RABGAP1L: variants seen among roughly 807,000 people sequenced by gnomAD.
RABGAP1L encodes the protein RAB GTPase activating protein 1 like.
In RABGAP1L, 63 loss-of-function variants were observed where a neutral mutation model predicts 137.7. The observed-to-expected ratio is 0.46, with a 90% CI of 0.37 to 0.56. The LOEUF is 0.56. RABGAP1L is among the 20% of genes least tolerant of loss of function. The pLI is 0.00. For missense variants in RABGAP1L, 1,095 were observed against 1,244.0 expected (o/e 0.88, Z 1.80); for synonymous variants, 431 against 433.7 (o/e 0.99, Z 0.08).
In RABGAP1L at chr1:174,967,048, C is replaced by T. The variant is rs537542874; in HGVS notation, c.2434-2229C>T. Among the ~76,000 whole-genome samples the T allele has an allele frequency of 2.2e-4, 33 of 152,162 alleles. No homozygotes were observed. In the East Asian group the frequency reaches 5.4e-3, roughly 25 times the overall value. On this transcript the variant is annotated intron_variant, in intron 20 of 25. Transcript: ENST00000681986. ...AACAATAAAGAAAATTCACTACCTACAGTTAATATTGGTTGTTTATATTGT... is the reference window on the plus strand; with the variant it reads ...AACAATAAAGAAAATTCACTACCTATAGTTAATATTGGTTGTTTATATTGT...
intron 11 of RABGAP1L, among the ~76,000 whole-genome samples, chr1:174,326,596 A>G (rs1002165126): frequency 1.3e-5 from 2 of 152,156 alleles, no homozygotes; most frequent in Non-Finnish European, 2.9e-5. Flanking sequence ...TGTATCATTG[A>G]TGTTCGAGAG....
chr1:174,195,577 CT>C (rs1667517372), intron 1 of RABGAP1L, among the ~76,000 whole-genome samples: 2 of 48,920 alleles, frequency 4.1e-5, no homozygotes, highest in South Asian at 1.3e-3. Flanking sequence ...TTAATCAATT[CT>C]TTCTTTCTTT....
rs549215086 is a variant in RABGAP1L, at chr1:174,928,051, A to G, written c.2341-29406A>G. ...TAGCCTTCACAAATTTGAACTCCTT[A>G]CTGTGCCCTATAAGGCCCTTCAAGA... On this transcript the variant is annotated intron_variant, in intron 19 of 25. Coordinates refer to ENST00000681986, the MANE Select transcript of RABGAP1L (RefSeq NM_001366446.1). Among the ~76,000 whole-genome samples the G allele has an allele frequency of 9.2e-5, 14 of 152,318 alleles. No homozygotes were observed. The South Asian group carries it at 1.0e-3, about 11-fold the overall frequency.
At position 174,810,565 on chromosome 1, in the gene RABGAP1L, T is replaced by C. The variant is rs371353965; in HGVS notation, c.2212-1267T>C. 1.5e-4 allele frequency among the ~76,000 whole-genome samples: 23 copies of C among 152,320 alleles called. No homozygotes were observed. The East Asian group carries it at 3.1e-3, about 20-fold the overall frequency. Reference sequence around the variant, plus strand: ...TTACATTTTAATTTAAATAAAGTAATATTTTGACACAGCATGTAGTTATGT... The same window carrying C: ...TTACATTTTAATTTAAATAAAGTAACATTTTGACACAGCATGTAGTTATGT... On this transcript the variant is annotated intron_variant, in intron 18 of 25. Transcript: ENST00000681986.
At position 174,555,535 on chromosome 1, in the gene RABGAP1L, C is replaced by T. The variant is rs190530602; in HGVS notation, c.1711-81840C>T. 5.8e-4 allele frequency among the ~76,000 whole-genome samples: 85 copies of T among 147,644 alleles called. 1 individual carries two copies. The highest frequency in any genetic ancestry group is 3.4e-3 in the Middle Eastern group (1 of 294). ...ATGTAACAAGAAAAATGTATGTCCCCCCCCCAAAAAAAATGTATGTTCCCT... is the reference window on the plus strand; with the variant it reads ...ATGTAACAAGAAAAATGTATGTCCCTCCCCCAAAAAAAATGTATGTTCCCT... On this transcript the variant is annotated intron_variant, in intron 13 of 25. Coordinates refer to ENST00000681986, the MANE Select transcript of RABGAP1L (RefSeq NM_001366446.1).
rs894354353 is a variant in RABGAP1L, at chr1:174,918,258, A to G, written c.2341-39199A>G. Among the ~76,000 whole-genome samples, 6 of 152,140 alleles carry G rather than the reference A, an allele frequency of 3.9e-5. 1 individual carries two copies. Among genetic ancestry groups the G allele is most frequent in the Admixed American group, 3.3e-4 (5 of 15,270 alleles). On this transcript the variant is annotated intron_variant, in intron 19 of 25. Transcript: ENST00000681986. ...CCTCAGGTTTAAATTGAAGGAGTTT[A>G]TTATATATTTTAGTTTCTACAGTCT...
At chr1:174,250,762 A>C (rs1304909069) in intron 6 of RABGAP1L, 130 bp downstream of exon 6, 5 of 785,092 alleles carry the variant, frequency 6.4e-6, no homozygotes, top group Non-Finnish European at 9.5e-6. Context: ...TGGTGAATTA[A>C]TATTTTTTAT....
At chr1:174,918,824 C>CG (rs11418291) in intron 19 of RABGAP1L, among the ~76,000 whole-genome samples, 4 of 29,718 alleles carry the variant, frequency 1.3e-4, no homozygotes, top group African/African-American at 1.2e-3. Flanking sequence ...GTGAGACCCA[C>CG]CCCCCCGATC....
At chr1:174,791,486 A>G (rs1396469841) in intron 18 of RABGAP1L, among the ~76,000 whole-genome samples, 1 of 152,232 alleles carries the variant, frequency 6.6e-6, no homozygotes, top group Admixed American at 6.5e-5. Flanking sequence ...AGCAATGACA[A>G]TACACACACA....
chr1:174,896,680 C>T (rs573296615), intron 19 of RABGAP1L, among the ~76,000 whole-genome samples: 2 of 152,296 alleles, frequency 1.3e-5, no homozygotes, highest in East Asian at 3.9e-4. Flanking sequence ...TTCCCAGCAC[C>T]ACTTATTAAA....
At chr1:174,880,506 T>G (rs1463001015) in intron 19 of RABGAP1L, among the ~76,000 whole-genome samples, 1 of 152,010 alleles carries the variant, frequency 6.6e-6, no homozygotes, top group African/African-American at 2.4e-5. Flanking sequence ...GAGAGGACCA[T>G]CATAAATAAA....
intron 21 of RABGAP1L, among the ~76,000 whole-genome samples, chr1:174,972,206 C>A (rs1670198122): frequency 2.6e-5 from 4 of 152,332 alleles, no homozygotes; most frequent in Middle Eastern, 6.8e-3. Context: ...TTAGTACTGT[C>A]CTGCTGAGGA....
chr1:174,534,130 C>CTG (rs1664676758), intron 13 of RABGAP1L, among the ~76,000 whole-genome samples: 1 of 115,310 alleles, frequency 8.7e-6, no homozygotes, highest in Admixed American at 9.4e-5. Flanking sequence ...CAGAGGTCAA[C>CTG]TCTGTGTGTG....
chr1:174,522,480 A>G (rs6665535), intron 13 of RABGAP1L, among the ~76,000 whole-genome samples: 53,291 of 151,372 alleles, frequency 0.35, 11,971 homozygotes, highest in African/African-American at 0.64. Flanking sequence ...TTAGCTGGGA[A>G]ATTCACTTGA....
intron 1 of RABGAP1L, among the ~76,000 whole-genome samples, chr1:174,211,231 C>T (rs1244152850): frequency 6.6e-6 from 1 of 151,936 alleles, no homozygotes; most frequent in Admixed American, 6.6e-5. Context: ...TACTCTTGTC[C>T]TAAGTAGAAA....
At chr1:174,318,045 GTT>G (rs60940580) in intron 11 of RABGAP1L, among the ~76,000 whole-genome samples, 1 of 144,852 alleles carries the variant, frequency 6.9e-6, no homozygotes, top group Non-Finnish European at 1.5e-5. Flanking sequence ...GTTCAGGACT[GTT>G]TTTTTTTTTT....
chr1:174,726,902 T>C (rs1682033298), intron 17 of RABGAP1L, among the ~76,000 whole-genome samples: 1 of 152,360 alleles, frequency 6.6e-6, no homozygotes, highest in African/African-American at 2.4e-5. Flanking sequence ...AGTACTTACA[T>C]GAATCACAAG....
intron 17 of RABGAP1L, among the ~76,000 whole-genome samples, chr1:174,737,747 C>T (rs1322703306): frequency 6.6e-6 from 1 of 152,218 alleles, no homozygotes; most frequent in Non-Finnish European, 1.5e-5. Flanking sequence ...GCAAGCTGTA[C>T]AGGCATGGCA....
intron 13 of RABGAP1L, among the ~76,000 whole-genome samples, chr1:174,400,745 C>G (rs1187399182): frequency 6.6e-6 from 1 of 151,956 alleles, no homozygotes; most frequent in Non-Finnish European, 1.5e-5. Flanking sequence ...AATTAGTACC[C>G]TAGAGAATTT....
Sources: allele counts gnomAD v4.1 joint callset (sites outside exome capture counted in the v4.1 genomes callset), GRCh38; gene constraint gnomAD v4.1.1; transcripts MANE v1.5; gene names NCBI Gene and HGNC (gene_info 2026-07-23, HGNC 2026-07-21).